C11orf97: variants seen among roughly 807,000 people sequenced by gnomAD.
C11orf97 encodes chromosome 11 open reading frame 97.
Under a neutral mutation model 16.2 loss-of-function variants are expected in C11orf97, and 15 were observed. The observed-to-expected ratio is 0.93, with a 90% CI of 0.62 to 1.43. The LOEUF (loss-of-function observed/expected upper bound fraction) is 1.43. Ranked by LOEUF, C11orf97 falls within the 40% of genes most tolerant of loss-of-function variation. C11orf97 has a pLI of 0.00. For missense variants in C11orf97, 171 were observed against 161.2 expected (o/e 1.06, Z -0.33); for synonymous variants, 61 against 65.7 (o/e 0.93, Z 0.34).
At chr11:94,518,102 C>G (rs893814612) in intron 2 of C11orf97, among the ~76,000 whole-genome samples, 143 of 146,750 alleles carry the variant, frequency 9.7e-4, no homozygotes, top group African/African-American at 3.4e-3. Flanking sequence ...AAGCCAAGAT[C>G]GCGCCACTGT....
intron 1 of C11orf97, among the ~76,000 whole-genome samples, chr11:94,515,229 C>T (rs969852405): frequency 2.6e-5 from 4 of 151,782 alleles, no homozygotes; most frequent in African/African-American, 7.3e-5. Flanking sequence ...ATTATACTTG[C>T]CCATAGGTCA....
chr11:94,514,101 C>T (rs571099226), intron 1 of C11orf97, among the ~76,000 whole-genome samples: 10 of 152,298 alleles, frequency 6.6e-5, no homozygotes, highest in East Asian at 1.9e-4. Flanking sequence ...TGAGCCACCA[C>T]GCCCAGCCTC....
chr11:94,515,323 A>T (rs1034009442), intron 1 of C11orf97, among the ~76,000 whole-genome samples: 21 of 152,148 alleles, frequency 1.4e-4, no homozygotes, highest in African/African-American at 4.6e-4. Context: ...ACAAAAAAAA[A>T]TCCAAAAAAC....
chr11:94,518,634 T>C (rs1023063593), intron 2 of C11orf97, among the ~76,000 whole-genome samples: 1 of 152,196 alleles, frequency 6.6e-6, no homozygotes, highest in African/African-American at 2.4e-5. Context: ...AGATGTTAGT[T>C]TGAAACTGCT....
At chr11:94,521,672 C>T (rs1475860299) in intron 2 of C11orf97, among the ~76,000 whole-genome samples, 1 of 152,128 alleles carries the variant, frequency 6.6e-6, no homozygotes, top group Non-Finnish European at 1.5e-5. Flanking sequence ...TTTTGCTTAC[C>T]CCAAATCCTC....
Position 94,517,611 on chromosome 11 carries a change from T to C in C11orf97, c.174T>C (p.His58=). 6.5e-7 allele frequency: 1 copy of C among 1,530,950 alleles called. No individual in the cohort carries two copies. Among genetic ancestry groups the C allele is most frequent in the Non-Finnish European group, 8.7e-7 (1 of 1,145,108 alleles). 94.8% of individuals were successfully genotyped at this position (1,530,950 alleles called of 1,614,324 possible). A position where few individuals can be genotyped will look rare whatever the true frequency, so the allele number is the denominator to read the frequency against. The change falls in exon 2 of 4, where the codon CAT becomes CAC. Residue 58 remains histidine (H), a synonymous_variant. Transcript: ENST00000542198. ...QWKKFLYCEP[H]KRIKEVLEEE... is the part of the protein sequence containing the mutation. Reference sequence around the variant, plus strand: ...AGAAATTTTTATATTGTGAGCCACATAAGAGAATTAAGGAAGTACTGGAAG... The same window carrying C: ...AGAAATTTTTATATTGTGAGCCACACAAGAGAATTAAGGAAGTACTGGAAG...
Position 94,528,153 on chromosome 11 carries a change from G to A in C11orf97, c.320G>A (p.Ser107Asn). 4 of 1,536,028 alleles carry A rather than the reference G, an allele frequency of 2.6e-6. No homozygotes were observed. Among genetic ancestry groups the A allele is most frequent in the Non-Finnish European group, 3.5e-6 (4 of 1,146,816 alleles). ...GGAGGCTTGAAGCCAGGACTGCCGA[G>A]CAGAAACAGTTTATTGCCACAAGCC... ...PVGGLKPGLP[S>N]RNSLLPQAKY... The change falls in exon 3 of 4, where the codon AGC becomes AAC. Residue 107 changes from serine (S) to asparagine (N), a missense_variant. Physicochemically the swap from Ser to Asn is conservative, Grantham distance 46 (BLOSUM62 1). Transcript: ENST00000542198.
intron 3 of C11orf97, 95 bp downstream of exon 3, chr11:94,528,304 C>G (rs1947714428): frequency 1.8e-6 from 2 of 1,131,528 alleles, no homozygotes; most frequent in South Asian, 4.5e-5. Flanking sequence ...AGATCTCAAT[C>G]AAAACTCAAC....
chr11:94,528,879 C>T (rs535643394), intron 3 of C11orf97, among the ~76,000 whole-genome samples: 2 of 152,076 alleles, frequency 1.3e-5, no homozygotes, highest in East Asian at 3.9e-4. Context: ...GGGAGATTAC[C>T]CTGGGTAAAA....
intron 2 of C11orf97, among the ~76,000 whole-genome samples, chr11:94,522,033 A>G (rs1349347372): frequency 6.6e-6 from 1 of 152,078 alleles, no homozygotes. Flanking sequence ...CACTCTTTTT[A>G]TTCACTACAT....
chr11:94,523,289 T>C (rs1164862311), intron 2 of C11orf97, among the ~76,000 whole-genome samples: 1 of 152,224 alleles, frequency 6.6e-6, no homozygotes, highest in Admixed American at 6.5e-5. Context: ...GTCTAAATTC[T>C]AGGGACCCCA....
chr11:94,515,045 G>A (rs969884892), intron 1 of C11orf97, among the ~76,000 whole-genome samples: 6 of 152,088 alleles, frequency 3.9e-5, no homozygotes, highest in African/African-American at 7.2e-5. Flanking sequence ...TGTATTCTAG[G>A]TATGAACTGA....
rs538786368 is a variant in C11orf97 at position 94,517,958 on chromosome 11, G to C, written c.250+271G>C. ...AGGTCAGGAGATTGAGACTATCCTG[G>C]CTAACACGGTGAAAACCCGTCTCTA... On this transcript the variant is annotated intron_variant, in intron 2 of 3. Coordinates refer to ENST00000542198, the MANE Select transcript of C11orf97 (RefSeq NM_001190462.2). Among the ~76,000 whole-genome samples, 44 of 152,106 alleles carry C rather than the reference G, an allele frequency of 2.9e-4. 1 individual carries two copies. Among genetic ancestry groups the C allele is most frequent in the Middle Eastern group, 6.8e-3 (2 of 294 alleles).
rs1947708480 is a variant in C11orf97 at position 94,527,397 on chromosome 11, C to T, written c.251-687C>T. Among the ~76,000 whole-genome samples the T allele has an allele frequency of 2.0e-5, 3 of 152,214 alleles. No individual in the cohort carries two copies. In the South Asian group the frequency reaches 6.2e-4, roughly 31 times the overall value. On this transcript the variant is annotated intron_variant, in intron 2 of 3. Transcript: ENST00000542198. ...TGCAGTTTTCTACACAGTAGACATT[C>T]ACCACATGCTTGTTTGCTGAGTCTC... is the stretch of plus-strand genomic sequence containing the variant.
intron 2 of C11orf97, among the ~76,000 whole-genome samples, chr11:94,518,321 CTT>C (rs1318629197): frequency 7.9e-5 from 12 of 152,172 alleles, no homozygotes; most frequent in African/African-American, 2.9e-4. Context: ...GGTTTCCAAA[CTT>C]TAGATTTTTA....
In C11orf97 at chr11:94,525,181, A is replaced by G. The variant is rs1178983477; in HGVS notation, c.251-2903A>G. On this transcript the variant is annotated intron_variant, in intron 2 of 3. Transcript: ENST00000542198. ...AAAACTATTTCTGCATTTCTATTCT[A>G]TAAAGGACTTTGCAGAAATAAAGTG... is the stretch of plus-strand genomic sequence containing the variant. 5.9e-5 allele frequency among the ~76,000 whole-genome samples: 9 copies of G among 152,326 alleles called. 1 individual carries two copies. In the South Asian group the frequency reaches 1.4e-3, roughly 25 times the overall value.
At position 94,531,904 on chromosome 11, in the gene C11orf97, G is replaced by A. The variant is rs1947742270; in HGVS notation, c.*4G>A. On this transcript the variant is annotated 3_prime_UTR_variant, in exon 4 of 4. Transcript: ENST00000542198. ...TTTTTTTTTAACTCTAGGATAAGAT[G>A]AATTAGATTTTCCATTAAGAAGGAA... 1.4e-6 allele frequency: 2 copies of A among 1,465,250 alleles called. No individual in the cohort carries two copies. The highest frequency in any genetic ancestry group is 1.8e-6 in the Non-Finnish European group (2 of 1,110,800). The allele number at this position is 1,465,250 out of a possible 1,614,324, so 90.8% of individuals were successfully genotyped here. A position where few individuals can be genotyped will look rare whatever the true frequency, so the allele number is the denominator to read the frequency against.
intron 2 of C11orf97, among the ~76,000 whole-genome samples, chr11:94,527,083 C>T (rs539121416): frequency 2.6e-5 from 4 of 152,132 alleles, no homozygotes; most frequent in African/African-American, 4.8e-5. Context: ...ATCCCTATTT[C>T]GAAAATGAGG....
intron 2 of C11orf97, 22 bp downstream of exon 2, chr11:94,517,709 G>A (rs1947622747): frequency 7.0e-7 from 1 of 1,426,924 alleles, no homozygotes; most frequent in Non-Finnish European, 9.4e-7. Context: ...GACAAATGAA[G>A]TATGTTTGTG....
Sources: gnomAD v4.1 joint callset for allele counts (sites outside exome capture counted in the v4.1 genomes callset) on GRCh38, gnomAD v4.1.1 for gene constraint, MANE v1.5 for transcripts, NCBI Gene and HGNC (gene_info 2026-07-23, HGNC 2026-07-21) for gene names.